INA: variants seen among roughly 807,000 people sequenced by gnomAD.
INA encodes the protein alpha-internexin.
INA carries 35 observed loss-of-function variants against 40.1 expected under a neutral mutation model. That is an observed-to-expected ratio of 0.87 (90% CI 0.67 to 1.16). The LOEUF (loss-of-function observed/expected upper bound fraction) is 1.16, where lower values mean the gene tolerates loss of function less well. Ranked by LOEUF, INA falls within the 50% of genes most tolerant of loss-of-function variation. The pLI is 0.00. For synonymous variants in INA, 290 were observed against 316.9 expected, an observed-to-expected ratio of 0.92 and a Z score of 0.90; for missense variants, 594 against 686.7, an observed-to-expected ratio of 0.87 and a Z score of 1.51.
chr10:103,278,783 T>C lies in INA; in HGVS notation c.1065+507T>C, dbSNP rs556446745. ...GAGTCCTATCCCATTTTCTTGACTTTCGCGCTCCAAAAAGTAGAGATTGGG... is the reference window on the plus strand; with the variant it reads ...GAGTCCTATCCCATTTTCTTGACTTCCGCGCTCCAAAAAGTAGAGATTGGG... On this transcript the variant is annotated intron_variant, in intron 1 of 2. Coordinates refer to ENST00000369849, the MANE Select transcript of INA (RefSeq NM_032727.4). The surrounding 1 kb of genome is among the most constrained non-coding windows in gnomAD (Gnocchi z 4.9). 5.3e-4 allele frequency among the ~76,000 whole-genome samples: 81 copies of C among 151,796 alleles called. No individual in the cohort carries two copies. Among genetic ancestry groups the C allele is most frequent in the Non-Finnish European group, 1.1e-3 (72 of 67,964 alleles).
chr10:103,277,256 C>A lies in INA; in HGVS notation c.45C>A (p.Tyr15Ter). The A allele has an allele frequency of 1.3e-6, 2 of 1,595,314 alleles. No homozygotes were observed. Among genetic ancestry groups the A allele is most frequent in the Non-Finnish European group, 1.7e-6 (2 of 1,174,022 alleles). Residue 15 changes from tyrosine to a stop codon, truncating the protein, a stop_gained, in exon 1 of 3, where the codon TAC (tyrosine) becomes TAA (stop). Transcript: ENST00000369849. LOFTEE classifies it high-confidence loss of function. This position sits in a 1 kb window ranked among gnomAD's most constrained non-coding sequence, Gnocchi z 5.6. The part of the protein sequence containing the change: ...SEHYLCSSSS[Y>*]RKVFGDGSRL... Reference sequence around the variant, plus strand: ...ACTACCTGTGCTCCTCCTCCTCCTACCGCAAGGTGTTCGGGGATGGCTCTC... The same window carrying A: ...ACTACCTGTGCTCCTCCTCCTCCTAACGCAAGGTGTTCGGGGATGGCTCTC...
intron 1 of INA, chr10:103,280,782 A>G: frequency 1.0e-6 from 1 of 985,490 alleles, no homozygotes; most frequent in South Asian, 4.7e-5. Context: ...TGTCTTCAAA[A>G]GCCAAATGCA....
intron 1 of INA, among the ~76,000 whole-genome samples, chr10:103,286,157 A>T (rs2093085383): frequency 6.6e-6 from 1 of 151,936 alleles, no homozygotes. Flanking sequence ...ATGAGACCTC[A>T]TCTTTACAAA....
rs2133531112 is a variant in INA, at chr10:103,278,174, G to C, written c.963G>C (p.Ala321=). 1.2e-6 allele frequency: 2 copies of C among 1,611,478 alleles called. No individual in the cohort carries two copies. The highest frequency in any genetic ancestry group is 2.7e-5 in the African/African-American group (2 of 75,028). The stretch of plus-strand genomic sequence containing the variant: ...ACGAGTATCGGCGCCAGCTGCAGGC[G>C]CGCACCATCGAGATCGAGGGCCTGC... ...EIHEYRRQLQ[A]RTIEIEGLRG... is the part of the protein sequence containing the mutation. The change falls in exon 1 of 3, where the codon GCG becomes GCC. Residue 321 remains alanine, a synonymous_variant. Transcript: ENST00000369849. The surrounding 1 kb of genome is among the most constrained non-coding windows in gnomAD (Gnocchi z 4.9).
rs559631011 is a variant in INA at position 103,278,357 on chromosome 10, C to T, written c.1065+81C>T. 9.8e-6 allele frequency: 12 copies of T among 1,223,044 alleles called. No homozygotes were observed. In the South Asian group the frequency reaches 1.9e-4, roughly 19 times the overall value. The allele number at this position is 1,223,044 out of a possible 1,614,324, so 75.8% of individuals were successfully genotyped here. On this transcript the variant is annotated intron_variant, in intron 1 of 2. Transcript: ENST00000369849. This position sits in a 1 kb window ranked among gnomAD's most constrained non-coding sequence, Gnocchi z 4.9. ...CTCTTCCTCTGGTAAAACTGGGCCC[C>T]AGGACTTAAGGGGAGGGCAAAAGAG... is the stretch of plus-strand genomic sequence containing the variant.
Position 103,278,903 on chromosome 10 carries a change from G to GCACACACA in INA, c.1065+651_1065+658dup, listed in dbSNP as rs369168949. 7.4e-3 allele frequency among the ~76,000 whole-genome samples: 1,018 copies of GCACACACA among 136,854 alleles called. 10 individuals carry two copies. The highest frequency in any genetic ancestry group is 0.018 in the East Asian group (84 of 4,654). The allele number at this position is 136,854 out of a possible 152,430, so 89.8% of individuals were successfully genotyped here. A position where few individuals can be genotyped will look rare whatever the true frequency, so the allele number is the denominator to read the frequency against. ...ACACACACGATTCCCTTGTCCACCA[G>GCACACACA]CACACACACACACACACACACACAC... On this transcript the variant is annotated intron_variant, in intron 1 of 2. Transcript: ENST00000369849. The surrounding 1 kb of genome is among the most constrained non-coding windows in gnomAD (Gnocchi z 4.9).
At chr10:103,288,147 T>C (rs1478456159) in intron 2 of INA, among the ~76,000 whole-genome samples, 2 of 152,192 alleles carry the variant, frequency 1.3e-5, no homozygotes, top group Non-Finnish European at 2.9e-5. Flanking sequence ...GCTTTAAACA[T>C]AGCTGGTGCT....
Position 103,289,803 on chromosome 10 carries a change from A to G in INA, c.*1134A>G, listed in dbSNP as rs2093095762. 1 of 152,216 alleles carries G rather than the reference A, an allele frequency of 6.6e-6. No individual in the cohort carries two copies. Among genetic ancestry groups the G allele is most frequent in the Non-Finnish European group, 1.5e-5 (1 of 68,038 alleles). The allele number at this position is 152,216 out of a possible 1,614,324, so 9.4% of individuals were successfully genotyped here. A position where few individuals can be genotyped will look rare whatever the true frequency, so the allele number is the denominator to read the frequency against. ...TAGGATATTTTGTCACCAGAACACA[A>G]TGCTACCGCCCCAAAGTAAAAGAAA... On this transcript the variant is annotated 3_prime_UTR_variant, in exon 3 of 3. Coordinates refer to ENST00000369849, the MANE Select transcript of INA (RefSeq NM_032727.4).
chr10:103,287,306 T>C, intron 2 of INA, 147 bp downstream of exon 2: 3 of 755,616 alleles, frequency 4.0e-6, no homozygotes, highest in Non-Finnish European at 6.3e-6. Context: ...CTGACTGCTC[T>C]GTCCCTCTAC....
In INA at chr10:103,277,342, C is replaced by T. The variant is rs200553495; in HGVS notation, c.131C>T (p.Ser44Phe). The T allele has an allele frequency of 1.2e-4, 182 of 1,582,058 alleles. No homozygotes were observed. The African/African-American group carries it at 2.2e-3, about 19-fold the overall frequency. ...GAGGFRSQSLSRSNVASSAAC... is the reference protein window; with the variant it reads ...GAGGFRSQSLFRSNVASSAAC... The stretch of plus-strand genomic sequence containing the variant: ...GGCGGCTTCCGCTCGCAGTCGCTGT[C>T]CCGCAGCAATGTGGCCTCCTCGGCC... The change falls in exon 1 of 3, where the codon TCC becomes TTC. Residue 44 changes from serine (S) to phenylalanine (F), a missense_variant. By Grantham distance (155) the Ser-to-Phe change is radical. Around this residue, in one of 2 missense-constraint regions of INA, gnomAD observed 215 missense variants for 190.6 expected, o/e 1.13. Transcript: ENST00000369849. The surrounding 1 kb of genome is among the most constrained non-coding windows in gnomAD (Gnocchi z 5.6).
rs147809153 is a variant in INA, at chr10:103,277,949, G to T, written c.738G>T (p.Ser246=). The change falls in exon 1 of 3, where the codon TCG becomes TCT. Residue 246 remains serine (S), a synonymous_variant. Coordinates refer to ENST00000369849, the MANE Select transcript of INA (RefSeq NM_032727.4). This position sits in a 1 kb window ranked among gnomAD's most constrained non-coding sequence, Gnocchi z 5.6. ...TGCTGGCCACGCTGCAGGCGTCGTC[G>T]CAGGCCGCGGCCGAGGTGGACGTGA... ...AELLATLQAS[S]QAAAEVDVTV... The T allele has an allele frequency of 2.6e-6, 4 of 1,559,218 alleles. No homozygotes were observed. The highest frequency in any genetic ancestry group is 3.5e-6 in the Non-Finnish European group (4 of 1,152,178).
At position 103,286,957 on chromosome 10, in the gene INA, T is replaced by C. The variant is rs540064947; in HGVS notation, c.1066-78T>C. 668 of 1,488,074 alleles carry C rather than the reference T, an allele frequency of 4.5e-4. 2 individuals carry two copies. The Middle Eastern group carries it at 5.4e-3, about 12-fold the overall frequency. The allele number at this position is 1,488,074 out of a possible 1,614,324, so 92.2% of individuals were successfully genotyped here. A position where few individuals can be genotyped will look rare whatever the true frequency, so the allele number is the denominator to read the frequency against. On this transcript the variant is annotated intron_variant, in intron 1 of 2. Coordinates refer to ENST00000369849, the MANE Select transcript of INA (RefSeq NM_032727.4). ...GATGATTTTAATGTGTAGTCAGGGCTGGGAATCCTTGCCTTCTGGAAATCT... is the reference window on the plus strand; with the variant it reads ...GATGATTTTAATGTGTAGTCAGGGCCGGGAATCCTTGCCTTCTGGAAATCT...
At position 103,289,775 on chromosome 10, in the gene INA, G is replaced by A. The variant is rs933596964; in HGVS notation, c.*1106G>A. On this transcript the variant is annotated 3_prime_UTR_variant, in exon 3 of 3. Coordinates refer to ENST00000369849, the MANE Select transcript of INA (RefSeq NM_032727.4). Reference sequence around the variant, plus strand: ...CTCCTATGCCTTTTACGAGTGCTAAGTGTAGGATATTTTGTCACCAGAACA... The same window carrying A: ...CTCCTATGCCTTTTACGAGTGCTAAATGTAGGATATTTTGTCACCAGAACA... 2 of 152,202 alleles carry A rather than the reference G, an allele frequency of 1.3e-5. No individual in the cohort carries two copies. Among genetic ancestry groups the A allele is most frequent in the South Asian group, 2.1e-4 (1 of 4,834 alleles). 9.4% of individuals were successfully genotyped at this position (152,202 alleles called of 1,614,324 possible).
At chr10:103,285,575 C>A (rs1027821000) in intron 1 of INA, among the ~76,000 whole-genome samples, 55 of 148,870 alleles carry the variant, frequency 3.7e-4, no homozygotes, top group African/African-American at 1.3e-3. Flanking sequence ...GGATTACAGG[C>A]ATGAGCCATC....
chr10:103,277,386 T>C lies in INA; in HGVS notation c.175T>C (p.Ser59Pro). 6.4e-7 allele frequency: 1 copy of C among 1,560,494 alleles called. No homozygotes were observed. The highest frequency in any genetic ancestry group is 8.6e-7 in the Non-Finnish European group (1 of 1,160,674). The change falls in exon 1 of 3, where the codon TCG (serine) becomes CCG (proline). Residue 59 changes from serine (S) to proline (P), a missense_variant. Coordinates refer to ENST00000369849, the MANE Select transcript of INA (RefSeq NM_032727.4). The surrounding 1 kb of genome is among the most constrained non-coding windows in gnomAD (Gnocchi z 5.6). ...ASSAACSSAS[S>P]LGLGLAYRRP... ...CTCGGCCGCCTGCTCCTCGGCCTCG[T>C]CGCTCGGCCTCGGCCTGGCCTATCG...
Position 103,277,424 on chromosome 10 carries a change from G to T in INA, c.213G>T (p.Ala71=). The T allele has an allele frequency of 6.4e-7, 1 of 1,562,086 alleles. No homozygotes were observed. Among genetic ancestry groups the T allele is most frequent in the Non-Finnish European group, 8.6e-7 (1 of 1,160,060 alleles). ...GCCTGGCCTATCGCCGGCCGCCGGC[G>T]TCCGACGGGCTGGACCTGAGCCAGG... ...GLGLAYRRPP[A]SDGLDLSQAA... The change falls in exon 1 of 3, where the codon GCG becomes GCT. Residue 71 remains alanine, a synonymous_variant. Coordinates refer to ENST00000369849, the MANE Select transcript of INA (RefSeq NM_032727.4). This position sits in a 1 kb window ranked among gnomAD's most constrained non-coding sequence, Gnocchi z 5.6.
At chr10:103,285,027 A>G (rs1371813404) in intron 1 of INA, among the ~76,000 whole-genome samples, 3 of 152,014 alleles carry the variant, frequency 2.0e-5, no homozygotes, top group Non-Finnish European at 4.4e-5. Flanking sequence ...CTTGTTGTCC[A>G]GGCTGGAGTG....
In INA at chr10:103,289,074, A is replaced by G. The variant is rs1381626268; in HGVS notation, c.*405A>G. The G allele has an allele frequency of 1.9e-5, 3 of 155,776 alleles. No homozygotes were observed. Among genetic ancestry groups the G allele is most frequent in the African/African-American group, 7.2e-5 (3 of 41,624 alleles). 9.6% of individuals were successfully genotyped at this position (155,776 alleles called of 1,614,324 possible). On this transcript the variant is annotated 3_prime_UTR_variant, in exon 3 of 3. Coordinates refer to ENST00000369849, the MANE Select transcript of INA (RefSeq NM_032727.4). ...TTACTCTAGATACCTAAAACATAAG[A>G]TCACTGCCAGAGATAAACTAATGGT...
Position 103,277,592 on chromosome 10 carries a change from C to G in INA, c.381C>G (p.Ala127=). Residue 127 remains alanine (A), a synonymous_variant, in exon 1 of 3, where the codon GCC becomes GCG. Transcript: ENST00000369849. This position sits in a 1 kb window ranked among gnomAD's most constrained non-coding sequence, Gnocchi z 5.6. The stretch of plus-strand genomic sequence containing the variant: ...ACCGCGCGTTGGAGGCCGAGCTGGC[C>G]GCGCTGCGACAGCGCCACGCTGAGC... ...TQNRALEAEL[A]ALRQRHAEPS... 3 of 1,556,326 alleles carry G rather than the reference C, an allele frequency of 1.9e-6. No individual in the cohort carries two copies. The highest frequency in any genetic ancestry group is 2.6e-6 in the Non-Finnish European group (3 of 1,158,624).
Sources: gnomAD v4.1 joint callset for allele counts (sites outside exome capture counted in the v4.1 genomes callset) on GRCh38, gnomAD v4.1.1 for gene constraint, gnomAD v4.1.1 regional missense constraint, Gnocchi (gnomAD v3.1) non-coding constraint, MANE v1.5 for transcripts, NCBI Gene and HGNC (gene_info 2026-07-23, HGNC 2026-07-21) for gene names.